MGAT4C: variants seen among roughly 807,000 people sequenced by gnomAD.
MGAT4C encodes the protein MGAT4 family member C.
In MGAT4C, 19 loss-of-function variants were observed where a neutral mutation model predicts 40.1. The observed-to-expected ratio is 0.47, with a 90% CI of 0.33 to 0.70. MGAT4C has a LOEUF of 0.70. Ranked by LOEUF, MGAT4C falls within the 30% of genes least tolerant of loss-of-function variation. The pLI is 0.02. For synonymous variants in MGAT4C, 181 were observed against 187.1 expected (o/e 0.97, Z 0.27); for missense variants, 491 against 563.2 (o/e 0.87, Z 1.30).
intron 4 of MGAT4C, among the ~76,000 whole-genome samples, chr12:86,328,204 A>G (rs200147158): frequency 6.6e-6 from 1 of 152,206 alleles, no homozygotes; most frequent in Admixed American, 6.5e-5. Flanking sequence ...TTAATGGTAT[A>G]TGTGAAAAAC....
chr12:86,637,679 C>A (rs548521203), intron 2 of MGAT4C, among the ~76,000 whole-genome samples: 1 of 151,986 alleles, frequency 6.6e-6, no homozygotes, highest in African/African-American at 2.4e-5. Context: ...ACCGAGATTT[C>A]ATTTCCTATG....
chr12:86,583,048 T>C (rs1388734839), intron 2 of MGAT4C, among the ~76,000 whole-genome samples: 1 of 151,374 alleles, frequency 6.6e-6, no homozygotes, highest in Non-Finnish European at 1.5e-5. Context: ...TTATATTATA[T>C]TGCCTCCGGC....
chr12:86,287,410 G>A (rs1953380906), intron 4 of MGAT4C, among the ~76,000 whole-genome samples: 1 of 151,434 alleles, frequency 6.6e-6, no homozygotes, highest in African/African-American at 2.4e-5. Context: ...GAATGTGCAG[G>A]TTTGTTACAT....
chr12:86,619,697 T>C (rs1962577252), intron 2 of MGAT4C, among the ~76,000 whole-genome samples: 1 of 152,112 alleles, frequency 6.6e-6, no homozygotes, highest in Admixed American at 6.6e-5. Context: ...TTTATTCTTT[T>C]GAAAGATACT....
chr12:85,983,650 T>G lies in MGAT4C; in HGVS notation c.168A>C (p.Ile56=), dbSNP rs1884876878. Reference sequence around the variant, plus strand: ...TCAGTTGATGTGTGGATGTTTCCCTTATAAGTTGTTTGTCTCCTTCCTAAA... The same window carrying G: ...TCAGTTGATGTGTGGATGTTTCCCTGATAAGTTGTTTGTCTCCTTCCTAAA... ...SYVLEGDKQL[I]RETSTHQLNS... is the part of the protein sequence containing the mutation. Residue 56 remains isoleucine, a synonymous_variant, in exon 4 of 5, where the codon ATA becomes ATC. Coordinates refer to ENST00000611864, the MANE Select transcript of MGAT4C (RefSeq NM_001351288.2). 2 of 1,585,260 alleles carry G rather than the reference T, an allele frequency of 1.3e-6. No individual in the cohort carries two copies. The highest frequency in any genetic ancestry group is 2.3e-5 in the East Asian group (1 of 43,630).
In MGAT4C at chr12:86,804,015, C is replaced by T. The variant is rs1168731353; in HGVS notation, c.-262+34651G>A. ...ACAATAGCAAAGACTTGGAACCAAC[C>T]CAAATGTCCAACAATGATAGACTGG... On this transcript the variant is annotated intron_variant, in intron 1 of 7. Transcript: ENST00000548651. Among the ~76,000 whole-genome samples, 25 of 129,596 alleles carry T rather than the reference C, an allele frequency of 1.9e-4. 1 individual carries two copies. The highest frequency in any genetic ancestry group is 6.7e-4 in the African/African-American group (23 of 34,502). 85.0% of individuals were successfully genotyped at this position (129,596 alleles called of 152,430 possible). A position where few individuals can be genotyped will look rare whatever the true frequency, so the allele number is the denominator to read the frequency against.
chr12:86,129,405 T>C (rs1004515224), intron 1 of MGAT4C, among the ~76,000 whole-genome samples: 5 of 152,150 alleles, frequency 3.3e-5, no homozygotes, highest in Admixed American at 2.0e-4. Context: ...GTCTTCACAA[T>C]GCCTGGGAAA....
At chr12:86,590,917 G>T (rs373841545) in intron 2 of MGAT4C, among the ~76,000 whole-genome samples, 1 of 151,924 alleles carries the variant, frequency 6.6e-6, no homozygotes, top group Non-Finnish European at 1.5e-5. Flanking sequence ...CATCAAGAAG[G>T]CCTATTTTCA....
At chr12:86,388,675 GTTTTTTTTTTTTTT>G (rs752469980) in intron 3 of MGAT4C, among the ~76,000 whole-genome samples, 2 of 98,752 alleles carry the variant, frequency 2.0e-5, no homozygotes, top group Non-Finnish European at 4.0e-5. Flanking sequence ...AGCGTTTTTT[GTTTTTTTTTTTTTT>G]TTTTTTTTTT....
chr12:86,772,907 C>T (rs756450093), intron 1 of MGAT4C, among the ~76,000 whole-genome samples: 24 of 152,052 alleles, frequency 1.6e-4, no homozygotes, highest in Admixed American at 5.2e-4. Flanking sequence ...CTCACCCACA[C>T]GTGGATCAAA....
intron 2 of MGAT4C, among the ~76,000 whole-genome samples, chr12:86,620,747 T>C (rs573130913): frequency 6.6e-6 from 1 of 152,316 alleles, no homozygotes; most frequent in Non-Finnish European, 1.5e-5. Context: ...AGGAGGAGTC[T>C]TGTGGGAGGT....
intron 3 of MGAT4C, among the ~76,000 whole-genome samples, chr12:86,409,863 G>T (rs1956567866): frequency 6.6e-6 from 1 of 152,004 alleles, no homozygotes; most frequent in African/African-American, 2.4e-5. Flanking sequence ...CCTAAGTGTT[G>T]GCCGATCTGA....
intron 2 of MGAT4C, among the ~76,000 whole-genome samples, chr12:86,686,717 T>C (rs765504001): frequency 6.6e-6 from 1 of 152,220 alleles, no homozygotes; most frequent in Admixed American, 6.5e-5. Flanking sequence ...CTTTGTGATG[T>C]GCTGCTGGAT....
chr12:86,727,158 C>A lies in MGAT4C; in HGVS notation c.-229+51G>T, dbSNP rs188997477. The A allele has an allele frequency of 5.9e-5, 9 of 152,152 alleles. No homozygotes were observed. The East Asian group carries it at 1.7e-3, about 29-fold the overall frequency. 9.4% of individuals were successfully genotyped at this position (152,152 alleles called of 1,614,324 possible). A position where few individuals can be genotyped will look rare whatever the true frequency, so the allele number is the denominator to read the frequency against. On this transcript the variant is annotated intron_variant, in intron 2 of 7. Coordinates refer to the MGAT4C transcript ENST00000548651. ...ACTAAGTGTTTAAAGCAAATAAAGT[C>A]TCAACATATAAAACTTGATGTGCAC...
At chr12:86,461,306 C>T (rs959561366) in intron 2 of MGAT4C, among the ~76,000 whole-genome samples, 21 of 145,040 alleles carry the variant, frequency 1.4e-4, no homozygotes, top group African/African-American at 4.6e-4. Flanking sequence ...ACTGCAGTGG[C>T]GCAATCTCGG....
At chr12:86,622,667 T>C (rs34603963) in intron 2 of MGAT4C, among the ~76,000 whole-genome samples, 19,719 of 152,068 alleles carry the variant, frequency 0.13, 1,976 homozygotes, top group African/African-American at 0.28. Flanking sequence ...AACAATATTC[T>C]GGGACAAAGC....
chr12:85,999,935 A>C (rs1328301415), intron 2 of MGAT4C, among the ~76,000 whole-genome samples: 5 of 152,184 alleles, frequency 3.3e-5, no homozygotes, highest in Non-Finnish European at 5.9e-5. Flanking sequence ...AAGTTCTTGC[A>C]GTCTATTACA....
chr12:86,330,846 T>C (rs561045200), intron 4 of MGAT4C, among the ~76,000 whole-genome samples: 1 of 152,292 alleles, frequency 6.6e-6, no homozygotes, highest in Non-Finnish European at 1.5e-5. Context: ...CTATGAGAGA[T>C]AATGGCTAGA....
At chr12:86,442,007 T>G (rs1180098200) in intron 2 of MGAT4C, among the ~76,000 whole-genome samples, 1 of 152,172 alleles carries the variant, frequency 6.6e-6, no homozygotes, top group Non-Finnish European at 1.5e-5. Flanking sequence ...CAGCACCTGT[T>G]GTTTCCTGAC....
Sources: gnomAD v4.1 joint callset for allele counts (sites outside exome capture counted in the v4.1 genomes callset) on GRCh38, gnomAD v4.1.1 for gene constraint, MANE v1.5 for transcripts, NCBI Gene and HGNC (gene_info 2026-07-23, HGNC 2026-07-21) for gene names.